HRH1: variants seen among roughly 807,000 people sequenced by gnomAD.
HRH1 encodes the protein histamine receptor H1, also known as histamine H1 receptor.
In HRH1, 6 loss-of-function variants were observed where a neutral mutation model predicts 10.3. The observed-to-expected ratio is 0.58, with a 90% CI of 0.32 to 1.15. HRH1 has a LOEUF of 1.15. Ranked by LOEUF, HRH1 falls within the 50% of genes most tolerant of loss-of-function variation. The pLI, the probability that HRH1 is intolerant of heterozygous loss-of-function variation, is 0.05. For missense variants in HRH1, 514 were observed against 615.3 expected (o/e 0.84, Z 1.74); for synonymous variants, 242 against 236.7 (o/e 1.02, Z -0.21).
At chr3:11,252,646 T>C (rs1347848336) in intron 1 of HRH1, 5 of 152,216 alleles carry the variant, frequency 3.3e-5, no homozygotes, top group Non-Finnish European at 2.9e-5. Flanking sequence ...ATCTGATTAA[T>C]AGCTCTAAGG....
At position 11,154,873 on chromosome 3, in the gene HRH1, G is replaced by C. The variant is rs929349962; in HGVS notation, c.-36+319G>C. Among the ~76,000 whole-genome samples, 1 of 152,210 alleles carries C rather than the reference G, an allele frequency of 6.6e-6. No homozygotes were observed. Among genetic ancestry groups the C allele is most frequent in the African/African-American group, 2.4e-5 (1 of 41,466 alleles). ...CCGTCTTTGAGCTCGGGCGAGCAGA[G>C]GGGGAGCCTCGTTTTCTTTGAGCCT... On this transcript the variant is annotated intron_variant, in intron 1 of 1. Coordinates refer to ENST00000431010, the MANE Select transcript of HRH1 (RefSeq NM_001098212.2). The surrounding 1 kb of genome is among the most constrained non-coding windows in gnomAD (Gnocchi z 4.4).
intron 1 of HRH1, among the ~76,000 whole-genome samples, chr3:11,146,029 A>G (rs1339108528): frequency 1.3e-5 from 2 of 152,148 alleles, no homozygotes; most frequent in Non-Finnish European, 2.9e-5. Context: ...ATTTATGTGC[A>G]GTCTTTTGTG....
chr3:11,192,373 T>G (rs1156792787), intron 1 of HRH1, among the ~76,000 whole-genome samples: 1 of 152,202 alleles, frequency 6.6e-6, no homozygotes, highest in Non-Finnish European at 1.5e-5. Flanking sequence ...TACCTTATGT[T>G]TGTGATAGCC....
chr3:11,160,938 A>G (rs1295691050), intron 1 of HRH1, among the ~76,000 whole-genome samples: 2 of 152,206 alleles, frequency 1.3e-5, no homozygotes, highest in African/African-American at 4.8e-5. Context: ...CTGGTGAGCT[A>G]ACATGGGATA....
chr3:11,142,741 T>C (rs185846998), intron 1 of HRH1, among the ~76,000 whole-genome samples: 1 of 152,052 alleles, frequency 6.6e-6, no homozygotes, highest in Admixed American at 6.5e-5. Flanking sequence ...AGTGAAACCC[T>C]GTCTCTACCA....
chr3:11,235,316 C>T (rs1407807875), intron 1 of HRH1, among the ~76,000 whole-genome samples: 1 of 152,130 alleles, frequency 6.6e-6, no homozygotes, highest in South Asian at 2.1e-4. Context: ...GACCTAGGAT[C>T]ATATTTAAAT....
In HRH1 at chr3:11,216,949, C is replaced by T. The variant is rs551475331; in HGVS notation, c.-35-42054C>T. Among the ~76,000 whole-genome samples, 16 of 151,718 alleles carry T rather than the reference C, an allele frequency of 1.1e-4. No homozygotes were observed. The East Asian group carries it at 2.7e-3, about 26-fold the overall frequency. ...CTGTAATCCCAGCACTTTGGGAGGC[C>T]GAGGCGGGCAGATTGCCTGAGCTCA... is the stretch of plus-strand genomic sequence containing the variant. On this transcript the variant is annotated intron_variant, in intron 1 of 1. Transcript: ENST00000431010.
chr3:11,146,726 C>T lies in HRH1; in HGVS notation c.-36+9327C>T, dbSNP rs549911873. On this transcript the variant is annotated intron_variant, in intron 1 of 1. Transcript: ENST00000438284. The stretch of plus-strand genomic sequence containing the variant: ...AGAAAGCACCTCAGCACTTCCTAGG[C>T]GGACACTCTAGAGGAGAAACGAATG... Among the ~76,000 whole-genome samples, 17 of 152,254 alleles carry T rather than the reference C, an allele frequency of 1.1e-4. No individual in the cohort carries two copies. The South Asian group carries it at 1.7e-3, about 15-fold the overall frequency.
intron 1 of HRH1, among the ~76,000 whole-genome samples, chr3:11,224,619 G>T (rs900697662): frequency 1.3e-5 from 2 of 151,386 alleles, no homozygotes; most frequent in African/African-American, 4.9e-5. Flanking sequence ...AGAATGGCGT[G>T]AACCCAGGAG....
chr3:11,155,790 A>C (rs550630081), intron 1 of HRH1, among the ~76,000 whole-genome samples: 1 of 152,244 alleles, frequency 6.6e-6, no homozygotes, highest in African/African-American at 2.4e-5. Flanking sequence ...TTATAGGAAG[A>C]GTCTTGGAGG....
Position 11,259,512 on chromosome 3 carries a change from G to A in HRH1, c.475G>A (p.Val159Ile), listed in dbSNP as rs1273145792. 2 of 1,614,038 alleles carry A rather than the reference G, an allele frequency of 1.2e-6. No homozygotes were observed. Among genetic ancestry groups the A allele is most frequent in the East Asian group, 4.5e-5 (2 of 44,854 alleles). The change falls in exon 2 of 2, where the codon GTT becomes ATT. Residue 159 changes from valine to isoleucine, a missense_variant. Val to Ile is a conservative substitution (Grantham distance 29). Transcript: ENST00000431010. The surrounding 1 kb of genome is among the most constrained non-coding windows in gnomAD (Gnocchi z 4.6). ...LGAWFLSFLW[V>I]IPILGWNHFM... ...GGCCTGGTTTCTCTCTTTTCTGTGG[G>A]TTATTCCCATTCTAGGCTGGAATCA...
At chr3:11,141,363 A>C (rs1300710229) in intron 1 of HRH1, among the ~76,000 whole-genome samples, 1 of 152,262 alleles carries the variant, frequency 6.6e-6, no homozygotes, top group Non-Finnish European at 1.5e-5. Flanking sequence ...GAATCACCCC[A>C]ACATGTAGTG....
intron 1 of HRH1, among the ~76,000 whole-genome samples, chr3:11,159,692 G>T (rs187485612): frequency 5.3e-5 from 8 of 152,304 alleles, no homozygotes; most frequent in Admixed American, 5.2e-4. Context: ...TGGTATCAAG[G>T]TTATGCTGGC....
chr3:11,154,619 G>T lies in HRH1; in HGVS notation c.-36+65G>T, dbSNP rs1936736755. On this transcript the variant is annotated intron_variant, in intron 1 of 1. Coordinates refer to ENST00000431010, the MANE Select transcript of HRH1 (RefSeq NM_001098212.2). This position sits in a 1 kb window ranked among gnomAD's most constrained non-coding sequence, Gnocchi z 4.4. ...CCGCCGCGGCTGGGCGAGGCTGCGCGCTGGCCAGGCTGGGTTCCGGGCATC... is the reference window on the plus strand; with the variant it reads ...CCGCCGCGGCTGGGCGAGGCTGCGCTCTGGCCAGGCTGGGTTCCGGGCATC... 2 of 151,820 alleles carry T rather than the reference G, an allele frequency of 1.3e-5. No individual in the cohort carries two copies. The highest frequency in any genetic ancestry group is 2.4e-5 in the African/African-American group (1 of 41,400). 9.4% of individuals were successfully genotyped at this position (151,820 alleles called of 1,614,324 possible). A position where few individuals can be genotyped will look rare whatever the true frequency, so the allele number is the denominator to read the frequency against.
chr3:11,212,715 A>C (rs1050318971), intron 1 of HRH1, among the ~76,000 whole-genome samples: 2 of 152,152 alleles, frequency 1.3e-5, no homozygotes, highest in African/African-American at 4.8e-5. Context: ...CATTCACGTA[A>C]TCCATCAGTA....
At chr3:11,251,124 A>G (rs1314098225) in intron 1 of HRH1, among the ~76,000 whole-genome samples, 1 of 151,942 alleles carries the variant, frequency 6.6e-6, no homozygotes, top group African/African-American at 2.4e-5. Flanking sequence ...CTGTAGCTGG[A>G]GGGGGAAGAT....
intron 1 of HRH1, among the ~76,000 whole-genome samples, chr3:11,248,277 T>C (rs1347393871): frequency 6.6e-6 from 1 of 152,210 alleles, no homozygotes; most frequent in Non-Finnish European, 1.5e-5. Flanking sequence ...TTGATTATAA[T>C]AGATATAATT....
rs1477118361 is a variant in HRH1, at chr3:11,234,917, ATTACT to A, written c.-35-24082_-35-24078del. Among the ~76,000 whole-genome samples, 5 of 151,982 alleles carry A rather than the reference ATTACT, an allele frequency of 3.3e-5. No individual in the cohort carries two copies. The South Asian group carries it at 1.0e-3, about 32-fold the overall frequency. On this transcript the variant is annotated intron_variant, in intron 1 of 1. Coordinates refer to ENST00000431010, the MANE Select transcript of HRH1 (RefSeq NM_001098212.2). Reference sequence around the variant, plus strand: ...TGCATGTTGAAGCATTTTTATGATGATTACTTTAAATGTTTTGGCCGGGTACGGTG... The same window carrying A: ...TGCATGTTGAAGCATTTTTATGATGATTAAATGTTTTGGCCGGGTACGGTG...
At chr3:11,207,201 G>A (rs936496531) in intron 1 of HRH1, among the ~76,000 whole-genome samples, 2 of 152,026 alleles carry the variant, frequency 1.3e-5, no homozygotes, top group Admixed American at 6.6e-5. Flanking sequence ...CAGAAGCCAG[G>A]TCATGCTCAG....
Sources: gnomAD v4.1 joint callset for allele counts (sites outside exome capture counted in the v4.1 genomes callset) on GRCh38, gnomAD v4.1.1 for gene constraint, Gnocchi (gnomAD v3.1) non-coding constraint, MANE v1.5 for transcripts, NCBI Gene and HGNC (gene_info 2026-07-23, HGNC 2026-07-21) for gene names.